SLC14A2: variants seen among roughly 807,000 people sequenced by gnomAD.
SLC14A2 encodes urea transporter 2.
SLC14A2 carries 91 observed loss-of-function variants against 104.6 expected under a neutral mutation model. The ratio of observed to expected loss-of-function variants is 0.87; its 90% CI spans 0.73 to 1.04. The LOEUF is 1.04. SLC14A2 is among the 50% of genes least tolerant of loss of function. The pLI is 0.00. For missense variants in SLC14A2, 1,189 were observed against 1,156.0 expected (o/e 1.03, Z -0.41); for synonymous variants, 476 against 466.4 (o/e 1.02, Z -0.27).
intron 1 of SLC14A2, among the ~76,000 whole-genome samples, chr18:45,438,974 T>C (rs1215579678): frequency 6.6e-6 from 1 of 152,116 alleles, no homozygotes; most frequent in Non-Finnish European, 1.5e-5. Flanking sequence ...GAGAAGACAG[T>C]GGCAGCCCTG....
In SLC14A2 at chr18:45,563,084, G is replaced by A. The variant is rs576890406; in HGVS notation, c.-34-61547G>A. ...AACGCAGGGGGGCTGGCAGGGCCCAGCCAGGCCCTGACAAGACGGTTGGTG... is the reference window on the plus strand; with the variant it reads ...AACGCAGGGGGGCTGGCAGGGCCCAACCAGGCCCTGACAAGACGGTTGGTG... On this transcript the variant is annotated intron_variant, in intron 2 of 20. Transcript: ENST00000586448. Among the ~76,000 whole-genome samples the A allele has an allele frequency of 4.6e-5, 7 of 152,336 alleles. No homozygotes were observed. The South Asian group carries it at 1.4e-3, about 32-fold the overall frequency.
intron 2 of SLC14A2, among the ~76,000 whole-genome samples, chr18:45,518,366 C>T (rs1297532211): frequency 6.6e-6 from 1 of 151,536 alleles, no homozygotes; most frequent in Non-Finnish European, 1.5e-5. Flanking sequence ...CAGTGTCAAA[C>T]TCCATCTAAC....
intron 2 of SLC14A2, among the ~76,000 whole-genome samples, chr18:45,581,719 G>A (rs940011623): frequency 2.0e-5 from 3 of 152,174 alleles, no homozygotes; most frequent in African/African-American, 7.2e-5. Context: ...AATGTTAGCT[G>A]TGTTGTTGTT....
intron 1 of SLC14A2, among the ~76,000 whole-genome samples, chr18:45,388,203 C>T (rs896711641): frequency 1.3e-5 from 2 of 150,714 alleles, no homozygotes; most frequent in Non-Finnish European, 3.0e-5. Context: ...AGCCTCCCTA[C>T]AGGTGCCTGC....
chr18:45,438,605 A>G (rs1460343219), intron 1 of SLC14A2, among the ~76,000 whole-genome samples: 1 of 152,258 alleles, frequency 6.6e-6, no homozygotes, highest in Non-Finnish European at 1.5e-5. Context: ...TGTTTAAAAC[A>G]AACCTATCCC....
intron 10 of SLC14A2, among the ~76,000 whole-genome samples, chr18:45,655,347 G>C (rs538285306): frequency 7.2e-4 from 109 of 152,322 alleles, no homozygotes; most frequent in Admixed American, 2.2e-3. Context: ...GGTGAACTTG[G>C]TGAGGGAAAG....
intron 2 of SLC14A2, among the ~76,000 whole-genome samples, chr18:45,562,441 A>G (rs1392689547): frequency 6.6e-6 from 1 of 152,206 alleles, no homozygotes; most frequent in Non-Finnish European, 1.5e-5. Flanking sequence ...TTAGGTGCTC[A>G]GTAGTAAGTG....
At chr18:45,232,814 G>T (rs1568112237) in intron 1 of SLC14A2, among the ~76,000 whole-genome samples, 1 of 152,208 alleles carries the variant, frequency 6.6e-6, no homozygotes, top group Non-Finnish European at 1.5e-5. Flanking sequence ...GCAGCTTATA[G>T]GCCCATTTTG....
chr18:45,589,755 G>C lies in SLC14A2; in HGVS notation c.-34-34876G>C, dbSNP rs2044620711. Among the ~76,000 whole-genome samples, 3 of 152,196 alleles carry C rather than the reference G, an allele frequency of 2.0e-5. No individual in the cohort carries two copies. The South Asian group carries it at 6.2e-4, about 32-fold the overall frequency. ...TGAAATATGATATACTGTCGTTTCA[G>C]ACTAACTTTCCATTGAACTGTCCAT... On this transcript the variant is annotated intron_variant, in intron 2 of 20. Transcript: ENST00000586448.
At chr18:45,203,797 T>C in the SLC14A2 span, among the ~76,000 whole-genome samples, 1 of 152,368 alleles carries the variant, frequency 6.6e-6, no homozygotes, top group South Asian at 2.1e-4. Context: ...TACAAAGAGA[T>C]GATCTAATTA....
chr18:45,374,727 G>A (rs1370846511), intron 1 of SLC14A2, among the ~76,000 whole-genome samples: 1 of 150,864 alleles, frequency 6.6e-6, no homozygotes, highest in Admixed American at 6.6e-5. Flanking sequence ...CAGTTACTTT[G>A]TACTTTGTAC....
intron 1 of SLC14A2, among the ~76,000 whole-genome samples, chr18:45,321,162 C>T (rs1418378005): frequency 6.6e-6 from 1 of 152,158 alleles, no homozygotes; most frequent in Non-Finnish European, 1.5e-5. Flanking sequence ...TTTATAAAGG[C>T]AAATCCCTGG....
chr18:45,379,664 G>A (rs146023345), intron 1 of SLC14A2, among the ~76,000 whole-genome samples: 143 of 152,316 alleles, frequency 9.4e-4, no homozygotes, highest in African/African-American at 3.2e-3. Context: ...AAGCCTAAGA[G>A]TACATCAACT....
In SLC14A2 at chr18:45,265,325, C is replaced by T. The variant is rs911230621; in HGVS notation, c.-125+52134C>T. ...GCAGAATTTAGAGTGAAGCAAATTT[C>T]GGTAAGAAAGAATAATTCTTAGAAT... On this transcript the variant is annotated intron_variant, in intron 1 of 20. Transcript: ENST00000586448. Among the ~76,000 whole-genome samples the T allele has an allele frequency of 4.6e-5, 7 of 152,078 alleles. No homozygotes were observed. The South Asian group carries it at 1.0e-3, about 23-fold the overall frequency.
At chr18:45,586,620 G>A (rs2044570293) in intron 2 of SLC14A2, among the ~76,000 whole-genome samples, 1 of 152,166 alleles carries the variant, frequency 6.6e-6, no homozygotes, top group Non-Finnish European at 1.5e-5. Flanking sequence ...ACCTGCCCAG[G>A]CCGTGACTGC....
intron 1 of SLC14A2, among the ~76,000 whole-genome samples, chr18:45,449,940 G>C (rs2086831419): frequency 6.6e-6 from 1 of 152,098 alleles, no homozygotes; most frequent in Non-Finnish European, 1.5e-5. Context: ...ATCAAGCTGA[G>C]AGCTGGGACA....
chr18:45,466,260 C>T (rs1180716074), intron 1 of SLC14A2, among the ~76,000 whole-genome samples: 5 of 151,606 alleles, frequency 3.3e-5, no homozygotes, highest in Non-Finnish European at 2.9e-5. Context: ...ACTATGAGTA[C>T]AGAGGGGTGT....
Position 45,682,546 on chromosome 18 carries a change from T to A in SLC14A2, c.*27T>A. On this transcript the variant is annotated 3_prime_UTR_variant, in exon 20 of 20. Coordinates refer to ENST00000255226, the MANE Select transcript of SLC14A2 (RefSeq NM_007163.4). The stretch of plus-strand genomic sequence containing the variant: ...TTTCCCTGTCTAAAACACATCAGTG[T>A]AAATTCAGGCTTCAGCACGCCGTCC... 1 of 1,590,978 alleles carries A rather than the reference T, an allele frequency of 6.3e-7. No individual in the cohort carries two copies. Among genetic ancestry groups the A allele is most frequent in the Non-Finnish European group, 8.6e-7 (1 of 1,158,878 alleles).
At chr18:45,412,297 C>T (rs1324591436) in intron 1 of SLC14A2, among the ~76,000 whole-genome samples, 1 of 152,148 alleles carries the variant, frequency 6.6e-6, no homozygotes, top group African/African-American at 2.4e-5. Flanking sequence ...CAGTGTACCT[C>T]CCATAGGTAT....
Sources: allele counts gnomAD v4.1 joint callset (sites outside exome capture counted in the v4.1 genomes callset), GRCh38; gene constraint gnomAD v4.1.1; transcripts MANE v1.5; gene names NCBI Gene and HGNC (gene_info 2026-07-23, HGNC 2026-07-21).